TMEM117: variants seen among roughly 807,000 people sequenced by gnomAD.
The protein encoded by TMEM117 is transmembrane protein 117.
A neutral mutation model predicts 52.4 loss-of-function variants in TMEM117; 27 were observed. That is an observed-to-expected ratio of 0.51 (90% CI 0.38 to 0.71). The LOEUF (loss-of-function observed/expected upper bound fraction) is 0.71. TMEM117 is among the 30% of genes least tolerant of loss of function. The pLI is 0.00. For synonymous variants in TMEM117, 215 were observed against 206.3 expected (o/e 1.04, Z -0.36); for missense variants, 556 against 630.5 (o/e 0.88, Z 1.26).
intron 4 of TMEM117, among the ~76,000 whole-genome samples, chr12:44,169,888 A>G (rs1057492010): frequency 6.6e-6 from 1 of 152,178 alleles, no homozygotes; most frequent in Non-Finnish European, 1.5e-5. Context: ...CAGCGTGGCC[A>G]TTCCTCAAGG....
At chr12:43,947,169 T>C (rs1322225565) in intron 3 of TMEM117, among the ~76,000 whole-genome samples, 2 of 151,980 alleles carry the variant, frequency 1.3e-5, no homozygotes, top group Admixed American at 6.6e-5. Context: ...CTTTGTCTCT[T>C]ACAAAAAATA....
chr12:44,349,370 C>T (rs1436519248), intron 6 of TMEM117, among the ~76,000 whole-genome samples: 1 of 151,994 alleles, frequency 6.6e-6, no homozygotes, highest in African/African-American at 2.4e-5. Flanking sequence ...AAGAAAGCCA[C>T]CCATTCAATA....
intron 3 of TMEM117, among the ~76,000 whole-genome samples, chr12:44,128,523 A>G (rs1217482045): frequency 6.6e-6 from 1 of 152,226 alleles, no homozygotes; most frequent in Non-Finnish European, 1.5e-5. Flanking sequence ...TGTTGAAAGA[A>G]TGAATAAATA....
intron 6 of TMEM117, among the ~76,000 whole-genome samples, chr12:44,315,269 A>G (rs1286637397): frequency 6.6e-6 from 1 of 152,008 alleles, no homozygotes; most frequent in African/African-American, 2.4e-5. Flanking sequence ...CTCTTATTTT[A>G]ATAATTTCTT....
At chr12:44,019,414 A>G (rs543911390) in intron 3 of TMEM117, among the ~76,000 whole-genome samples, 1 of 152,258 alleles carries the variant, frequency 6.6e-6, no homozygotes, top group African/African-American at 2.4e-5. Flanking sequence ...CAGAGGCTTC[A>G]GGAGGGTACT....
chr12:43,954,659 C>T (rs1002470802), intron 3 of TMEM117, among the ~76,000 whole-genome samples: 2 of 152,062 alleles, frequency 1.3e-5, no homozygotes, highest in Non-Finnish European at 2.9e-5. Context: ...TAATAAATAG[C>T]CTACCAACCA....
the TMEM117 span, among the ~76,000 whole-genome samples, chr12:43,826,279 G>A: frequency 1.3e-5 from 2 of 152,144 alleles, no homozygotes; most frequent in African/African-American, 4.8e-5. Flanking sequence ...ATTTATTGAG[G>A]TTTACTCTGT....
rs1253667586 is a variant in TMEM117, at chr12:44,096,752, A to G, written c.411-46773A>G. 1.3e-5 allele frequency among the ~76,000 whole-genome samples: 2 copies of G among 152,216 alleles called. 1 individual carries two copies. Among genetic ancestry groups the G allele is most frequent in the Admixed American group, 1.3e-4 (2 of 15,274 alleles). Reference sequence around the variant, plus strand: ...AGACTTACATGTTAGACCTAAAACCATAAAAACCCTAGAAGAAAAGCTAGG... The same window carrying G: ...AGACTTACATGTTAGACCTAAAACCGTAAAAACCCTAGAAGAAAAGCTAGG... On this transcript the variant is annotated intron_variant, in intron 3 of 7. Coordinates refer to ENST00000266534, the MANE Select transcript of TMEM117 (RefSeq NM_032256.3).
intron 3 of TMEM117, among the ~76,000 whole-genome samples, chr12:44,100,489 C>G (rs1326246886): frequency 2.6e-5 from 4 of 151,878 alleles, no homozygotes; most frequent in Admixed American, 6.6e-5. Context: ...TATTTAATGC[C>G]AGGTTCATTC....
intron 4 of TMEM117, among the ~76,000 whole-genome samples, chr12:44,150,799 C>A (rs1948710852): frequency 6.6e-6 from 1 of 151,894 alleles, no homozygotes; most frequent in Admixed American, 6.6e-5. Context: ...GATCAAGAGT[C>A]TTTTAATTTT....
chr12:44,190,171 A>G (rs1949332417), intron 4 of TMEM117, among the ~76,000 whole-genome samples: 1 of 152,188 alleles, frequency 6.6e-6, no homozygotes, highest in South Asian at 2.1e-4. Flanking sequence ...TAATAGCCTA[A>G]TATTTTTTAG....
At chr12:44,118,596 A>G (rs1592532637) in intron 3 of TMEM117, among the ~76,000 whole-genome samples, 1 of 152,196 alleles carries the variant, frequency 6.6e-6, no homozygotes, top group African/African-American at 2.4e-5. Flanking sequence ...GAGAGATTGT[A>G]TGTCATGTTA....
intron 5 of TMEM117, among the ~76,000 whole-genome samples, chr12:44,271,348 G>A (rs1950443380): frequency 6.6e-6 from 1 of 151,828 alleles, no homozygotes; most frequent in Non-Finnish European, 1.5e-5. Flanking sequence ...TAAGAAATTA[G>A]GCCTGAGAGC....
At chr12:44,349,146 CT>C (rs2138774076) in intron 6 of TMEM117, among the ~76,000 whole-genome samples, 1 of 151,996 alleles carries the variant, frequency 6.6e-6, no homozygotes, top group Admixed American at 6.6e-5. Context: ...ATACTATAGA[CT>C]GTTATCAATG....
At chr12:44,193,544 A>G (rs114943850) in intron 4 of TMEM117, among the ~76,000 whole-genome samples, 1,748 of 152,310 alleles carry the variant, frequency 0.011, 23 homozygotes, top group South Asian at 0.052. Context: ...CTGTTGTCAA[A>G]TCAGAAGCAA....
intron 2 of TMEM117, among the ~76,000 whole-genome samples, chr12:43,940,020 A>G (rs1197122178): frequency 6.6e-6 from 1 of 152,312 alleles, no homozygotes; most frequent in East Asian, 1.9e-4. Flanking sequence ...ATTCGCCTCC[A>G]TGATTCAGTT....
chr12:44,089,398 C>A (rs188912489), intron 3 of TMEM117, among the ~76,000 whole-genome samples: 18 of 152,286 alleles, frequency 1.2e-4, no homozygotes, highest in Admixed American at 3.9e-4. Context: ...CCACAAAGCT[C>A]CCCTCTGTTG....
intron 3 of TMEM117, among the ~76,000 whole-genome samples, chr12:44,001,034 C>T (rs1565787238): frequency 6.6e-6 from 1 of 152,146 alleles, no homozygotes; most frequent in Non-Finnish European, 1.5e-5. Flanking sequence ...TCATGAGTTC[C>T]TGCTCATGGA....
At chr12:44,147,945 A>G (rs1045347591) in intron 4 of TMEM117, among the ~76,000 whole-genome samples, 3 of 151,934 alleles carry the variant, frequency 2.0e-5, no homozygotes, top group African/African-American at 7.3e-5. Context: ...AAAAAAAAAA[A>G]AAAGAAAAAG....
Sources: gnomAD v4.1 joint callset for allele counts (sites outside exome capture counted in the v4.1 genomes callset) on GRCh38, gnomAD v4.1.1 for gene constraint, MANE v1.5 for transcripts, NCBI Gene and HGNC (gene_info 2026-07-23, HGNC 2026-07-21) for gene names.